PRDM11: variants seen among roughly 807,000 people sequenced by gnomAD.
PRDM11 encodes the protein PR/SET domain 11, also known as PR domain-containing protein 11.
A neutral mutation model predicts 97.8 loss-of-function variants in PRDM11; 20 were observed. The ratio of observed to expected loss-of-function variants is 0.20; its 90% CI spans 0.14 to 0.30. The LOEUF (loss-of-function observed/expected upper bound fraction) is 0.30. Among genes scored for constraint, PRDM11 ranks in the 10% least tolerant of loss-of-function variants. The pLI is 1.00. For missense variants in PRDM11, 1,139 were observed against 1,555.2 expected (o/e 0.73, Z 4.50); for synonymous variants, 599 against 637.7 (o/e 0.94, Z 0.91).
chr11:45,139,176 A>C (rs1288512251), intron 1 of PRDM11, among the ~76,000 whole-genome samples: 1 of 152,232 alleles, frequency 6.6e-6, no homozygotes, highest in African/African-American at 2.4e-5. Flanking sequence ...GGTGTTCAGC[A>C]TAAGGGTGTC....
rs562464857 is a variant in PRDM11, at chr11:45,106,129, G to A, written c.96+10228G>A. ...AGAGCACAGATGACAGCAAGTGTCC[G>A]TGGCCCCAGAGGGAAGGAAAGGGCC... On this transcript the variant is annotated intron_variant, in intron 1 of 6. Transcript: ENST00000530656. 3.9e-5 allele frequency among the ~76,000 whole-genome samples: 6 copies of A among 152,268 alleles called. No homozygotes were observed. In the South Asian group the frequency reaches 6.2e-4, roughly 16 times the overall value.
At chr11:45,111,089 T>G (rs548015781) in intron 1 of PRDM11, among the ~76,000 whole-genome samples, 2 of 152,276 alleles carry the variant, frequency 1.3e-5, no homozygotes, top group African/African-American at 4.8e-5. Flanking sequence ...CACTTGCAAC[T>G]CTGGGAGGTG....
At chr11:45,148,642 A>G (rs962834358) in intron 1 of PRDM11, among the ~76,000 whole-genome samples, 3 of 152,122 alleles carry the variant, frequency 2.0e-5, no homozygotes, top group Non-Finnish European at 4.4e-5. Context: ...CTCTGCACTT[A>G]TGGACTCATT....
intron 1 of PRDM11, among the ~76,000 whole-genome samples, chr11:45,110,205 G>C (rs1372432633): frequency 2.6e-5 from 4 of 152,158 alleles, no homozygotes; most frequent in Non-Finnish European, 5.9e-5. Flanking sequence ...CTTGGATCGG[G>C]GTGGCTTTTA....
intron 4 of PRDM11, among the ~76,000 whole-genome samples, chr11:45,195,778 G>C (rs888118181): frequency 6.6e-5 from 10 of 151,748 alleles, no homozygotes; most frequent in African/African-American, 2.4e-4. Flanking sequence ...GGTTTTGCAT[G>C]TTGGCCAGGC....
chr11:45,189,201 G>A (rs10160228), intron 4 of PRDM11, among the ~76,000 whole-genome samples: 15,186 of 152,110 alleles, frequency 0.1, 1,125 homozygotes, highest in Admixed American at 0.24. Flanking sequence ...ACACCCGGCC[G>A]CGAGCACAGG....
intron 1 of PRDM11, among the ~76,000 whole-genome samples, chr11:45,115,468 T>C (rs1852280137): frequency 6.9e-6 from 1 of 144,158 alleles, no homozygotes. Flanking sequence ...TCAATAATTA[T>C]ATTAAATATA....
At chr11:45,148,245 C>T (rs1851572358) in intron 1 of PRDM11, among the ~76,000 whole-genome samples, 1 of 152,184 alleles carries the variant, frequency 6.6e-6, no homozygotes, top group Admixed American at 6.5e-5. Flanking sequence ...AATTCTACCT[C>T]CTCCTCATAG....
chr11:45,172,111 G>A (rs554408238), intron 1 of PRDM11, among the ~76,000 whole-genome samples: 1 of 152,168 alleles, frequency 6.6e-6, no homozygotes, highest in African/African-American at 2.4e-5. Flanking sequence ...CAAAGCTCAG[G>A]AAAGTGATTT....
At chr11:45,173,851 C>T (rs1403710913) in intron 1 of PRDM11, among the ~76,000 whole-genome samples, 1 of 152,148 alleles carries the variant, frequency 6.6e-6, no homozygotes, top group African/African-American at 2.4e-5. Flanking sequence ...ATGGGAGTTC[C>T]TTGCCCTCAG....
At chr11:45,191,513 CT>C (rs1464991475) in intron 4 of PRDM11, among the ~76,000 whole-genome samples, 1 of 152,096 alleles carries the variant, frequency 6.6e-6, no homozygotes, top group Non-Finnish European at 1.5e-5. Flanking sequence ...AACATGAATT[CT>C]TTTTTTATTC....
At chr11:45,154,598 T>C (rs1034043547) in intron 1 of PRDM11, among the ~76,000 whole-genome samples, 3 of 152,046 alleles carry the variant, frequency 2.0e-5, no homozygotes, top group Admixed American at 6.5e-5. Flanking sequence ...GGGGGGTCCC[T>C]GCTTGCAAAG....
intron 1 of PRDM11, among the ~76,000 whole-genome samples, chr11:45,152,565 A>G (rs1013851941): frequency 7.9e-5 from 12 of 152,216 alleles, no homozygotes; most frequent in African/African-American, 2.7e-4. Flanking sequence ...TGCTGTATGA[A>G]TAGTATATGC....
intron 1 of PRDM11, among the ~76,000 whole-genome samples, chr11:45,139,859 C>A (rs1338538804): frequency 1.3e-5 from 2 of 152,044 alleles, no homozygotes; most frequent in African/African-American, 2.4e-5. Flanking sequence ...TCTGACGTGT[C>A]AATCAGTGTT....
rs73466447 is a variant in PRDM11 at position 45,216,587 on chromosome 11, A to G, written c.555-2983A>G. 1.8e-3 allele frequency among the ~76,000 whole-genome samples: 278 copies of G among 152,358 alleles called. 4 individuals are homozygous for G. The highest frequency in any genetic ancestry group is 6.5e-3 in the African/African-American group (270 of 41,572). ...GGCTTCATTTAGCTTTACCTCTTAAATGGTATAACATAAACATCTTGTCAG... is the reference window on the plus strand; with the variant it reads ...GGCTTCATTTAGCTTTACCTCTTAAGTGGTATAACATAAACATCTTGTCAG... On this transcript the variant is annotated intron_variant, in intron 5 of 7. Coordinates refer to ENST00000683152, the MANE Select transcript of PRDM11 (RefSeq NM_001384648.1).
intron 1 of PRDM11, among the ~76,000 whole-genome samples, chr11:45,177,608 T>G (rs1852361050): frequency 6.6e-6 from 1 of 152,228 alleles, no homozygotes; most frequent in South Asian, 2.1e-4. Context: ...AAAGTAGAGA[T>G]GTCTATGGGC....
chr11:45,198,575 C>G (rs1194520715), intron 4 of PRDM11, among the ~76,000 whole-genome samples: 1 of 152,248 alleles, frequency 6.6e-6, no homozygotes, highest in Non-Finnish European at 1.5e-5. Flanking sequence ...GAAAATCCAT[C>G]TCTGCAGCAT....
chr11:45,119,810 C>T (rs1852390482), intron 1 of PRDM11, among the ~76,000 whole-genome samples: 1 of 152,012 alleles, frequency 6.6e-6, no homozygotes, highest in Non-Finnish European at 1.5e-5. Context: ...TCTATAGCCT[C>T]TATGGTCCTT....
intron 1 of PRDM11, among the ~76,000 whole-genome samples, chr11:45,162,244 G>C (rs141990076): frequency 6.6e-6 from 1 of 152,122 alleles, no homozygotes; most frequent in Middle Eastern, 3.2e-3. Context: ...GTGAGGTATC[G>C]CTCTCTACAC....
Sources: allele counts gnomAD v4.1 joint callset (sites outside exome capture counted in the v4.1 genomes callset), GRCh38; gene constraint gnomAD v4.1.1; transcripts MANE v1.5; gene names NCBI Gene and HGNC (gene_info 2026-07-23, HGNC 2026-07-21).